TBXAS1: variants seen among roughly 807,000 people sequenced by gnomAD.
TBXAS1 encodes the protein thromboxane A synthase 1.
Under a neutral mutation model 60.7 loss-of-function variants are expected in TBXAS1, and 48 were observed. The observed-to-expected ratio is 0.79, with a 90% CI of 0.63 to 1.01. The LOEUF (loss-of-function observed/expected upper bound fraction) is 1.01, where lower values mean the gene tolerates loss of function less well. Ranked by LOEUF, TBXAS1 falls within the 50% of genes least tolerant of loss-of-function variation. TBXAS1 has a pLI of 0.00. For missense variants in TBXAS1, 685 were observed against 686.3 expected, an observed-to-expected ratio of 1.00 and a Z score of 0.02; for synonymous variants, 287 against 269.7, an observed-to-expected ratio of 1.06 and a Z score of -0.63.
intron 1 of TBXAS1, among the ~76,000 whole-genome samples, chr7:139,862,491 G>A (rs139855454): frequency 6.6e-6 from 1 of 152,208 alleles, no homozygotes; most frequent in Non-Finnish European, 1.5e-5. Context: ...AGTTGGAGTG[G>A]GGGGAGGAGA....
In TBXAS1 at chr7:139,890,174, G is replaced by A. The variant is rs145609248; in HGVS notation, c.236+14537G>A. ...AACCTTTCATGCAGCAATGTCCTTC[G>A]ACAATCTCCAAGTGAGAAATTTAGG... On this transcript the variant is annotated intron_variant, in intron 3 of 12. Coordinates refer to ENST00000448866, the MANE Select transcript of TBXAS1 (RefSeq NM_001061.7). Among the ~76,000 whole-genome samples the A allele has an allele frequency of 5.6e-4, 83 of 147,942 alleles. No homozygotes were observed. The East Asian group carries it at 0.01, about 18-fold the overall frequency.
At chr7:139,822,564 C>T (rs1463685417) in intron 4 of TBXAS1, among the ~76,000 whole-genome samples, 5 of 152,208 alleles carry the variant, frequency 3.3e-5, no homozygotes, top group Non-Finnish European at 7.3e-5. Flanking sequence ...GCCTCGTGCT[C>T]AGCGTGCAGA....
At chr7:139,894,996 G>A (rs1174464137) in intron 3 of TBXAS1, among the ~76,000 whole-genome samples, 1 of 152,184 alleles carries the variant, frequency 6.6e-6, no homozygotes, top group Non-Finnish European at 1.5e-5. Flanking sequence ...TAGTATAGTG[G>A]CTGACTTCTA....
At chr7:139,978,024 C>T (rs1421121212) in intron 9 of TBXAS1, among the ~76,000 whole-genome samples, 4 of 152,110 alleles carry the variant, frequency 2.6e-5, no homozygotes, top group East Asian at 3.9e-4. Flanking sequence ...GTCACTTGAA[C>T]GATGTCGGGG....
At chr7:140,012,240 G>A (rs1164150497) in intron 10 of TBXAS1, among the ~76,000 whole-genome samples, 1 of 152,216 alleles carries the variant, frequency 6.6e-6, no homozygotes, top group Non-Finnish European at 1.5e-5. Context: ...GGCAGGAAGT[G>A]GGGCTTGGTT....
At position 139,983,554 on chromosome 7, in the gene TBXAS1, G is replaced by A. The variant is rs115229712; in HGVS notation, c.1134+21321G>A. On this transcript the variant is annotated intron_variant, in intron 9 of 12. Transcript: ENST00000448866. ...CAGGGGCTGCTGAGCTGAGATGCCT[G>A]CAGATGAGTAAACTGGCGGGAAGAA... Among the ~76,000 whole-genome samples the A allele has an allele frequency of 4.0e-3, 605 of 152,232 alleles. 6 individuals carry two copies. The highest frequency in any genetic ancestry group is 0.014 in the African/African-American group (583 of 41,544).
intron 4 of TBXAS1, among the ~76,000 whole-genome samples, chr7:139,810,316 G>A (rs544371862): frequency 3.3e-5 from 5 of 152,248 alleles, no homozygotes; most frequent in Admixed American, 3.3e-4. Context: ...TTACAGAGGT[G>A]AGCCACTGTG....
At chr7:139,941,194 G>C (rs1808261248) in intron 5 of TBXAS1, among the ~76,000 whole-genome samples, 1 of 152,164 alleles carries the variant, frequency 6.6e-6, no homozygotes, top group Non-Finnish European at 1.5e-5. Context: ...TCAAACATCA[G>C]AGTTTATTCT....
At chr7:139,784,011 G>GTTTTTTTTTTTTTTTTT (rs11340240) in intron 3 of TBXAS1, among the ~76,000 whole-genome samples, 1 of 132,066 alleles carries the variant, frequency 7.6e-6, no homozygotes, top group Non-Finnish European at 1.6e-5. Context: ...AGTTTTTTTT[G>GTTTTTTTTTTTTTTTTT]TTTTTTTTTT....
intron 1 of TBXAS1, among the ~76,000 whole-genome samples, chr7:139,866,704 G>C (rs1801442266): frequency 1.3e-5 from 2 of 152,024 alleles, no homozygotes; most frequent in African/African-American, 4.8e-5. Flanking sequence ...GCTACGGTGA[G>C]CTGAAATCAC....
At chr7:139,885,980 C>A (rs1803066800) in intron 3 of TBXAS1, among the ~76,000 whole-genome samples, 1 of 152,174 alleles carries the variant, frequency 6.6e-6, no homozygotes. Flanking sequence ...ACATATTCTT[C>A]TTTCTTCCTT....
At chr7:139,856,961 G>A (rs1250203779) in intron 1 of TBXAS1, among the ~76,000 whole-genome samples, 2 of 152,180 alleles carry the variant, frequency 1.3e-5, no homozygotes, top group African/African-American at 4.8e-5. Flanking sequence ...AGCCCTTAGG[G>A]GAGAAAGCAT....
intron 4 of TBXAS1, chr7:139,913,244 G>A (rs1056724597): frequency 1.2e-5 from 8 of 665,380 alleles, no homozygotes; most frequent in African/African-American, 5.3e-5. Flanking sequence ...CTATCTCCTC[G>A]CTCAAAGTCC....
chr7:140,015,166 A>T (rs764522421), intron 10 of TBXAS1, among the ~76,000 whole-genome samples: 4 of 152,222 alleles, frequency 2.6e-5, no homozygotes, highest in Non-Finnish European at 5.9e-5. Context: ...AGGAGTATTC[A>T]TCAGATGTAC....
At chr7:139,803,252 G>C (rs564728313) in intron 4 of TBXAS1, among the ~76,000 whole-genome samples, 1 of 152,344 alleles carries the variant, frequency 6.6e-6, no homozygotes, top group Non-Finnish European at 1.5e-5. Flanking sequence ...GTCTCAGACG[G>C]AGATGAGGAA....
chr7:139,900,491 GC>G, intron 3 of TBXAS1, among the ~76,000 whole-genome samples: 1 of 152,324 alleles, frequency 6.6e-6, no homozygotes, highest in Admixed American at 6.5e-5. Flanking sequence ...AGGGAAGTAA[GC>G]TTTGAGAGGC....
At chr7:139,834,754 T>C (rs577679196) in intron 1 of TBXAS1, among the ~76,000 whole-genome samples, 1 of 152,138 alleles carries the variant, frequency 6.6e-6, no homozygotes, top group African/African-American at 2.4e-5. Flanking sequence ...AATACAATCC[T>C]CCTAGCTTAA....
At chr7:139,971,766 C>T (rs1811215467) in intron 9 of TBXAS1, among the ~76,000 whole-genome samples, 1 of 152,130 alleles carries the variant, frequency 6.6e-6, no homozygotes, top group African/African-American at 2.4e-5. Flanking sequence ...CTCTCCCTGC[C>T]CACCCTCTCC....
At chr7:139,888,143 C>T (rs1380489765) in intron 3 of TBXAS1, among the ~76,000 whole-genome samples, 1 of 152,214 alleles carries the variant, frequency 6.6e-6, no homozygotes, top group Non-Finnish European at 1.5e-5. Context: ...AATGCTTGCA[C>T]TGCACGATAA....
Sources: allele counts gnomAD v4.1 joint callset (sites outside exome capture counted in the v4.1 genomes callset), GRCh38; gene constraint gnomAD v4.1.1; transcripts MANE v1.5; gene names NCBI Gene and HGNC (gene_info 2026-07-23, HGNC 2026-07-21).